Variants in UBE3D observed in about 807,000 individuals in gnomAD.
UBE3D encodes ubiquitin protein ligase E3D.
UBE3D carries 48 observed loss-of-function variants against 49.6 expected under a neutral mutation model. That is an observed-to-expected ratio of 0.97 (90% CI 0.77 to 1.23). The LOEUF is 1.23. UBE3D is among the 50% of genes most tolerant of loss of function. The pLI is 0.00. For missense variants in UBE3D, 452 were observed against 468.4 expected (o/e 0.96, Z 0.32); for synonymous variants, 189 against 174.2 (o/e 1.08, Z -0.67).
chr6:83,042,075 A>G (rs777977925), intron 4 of UBE3D, among the ~76,000 whole-genome samples: 2 of 152,030 alleles, frequency 1.3e-5, no homozygotes, highest in Non-Finnish European at 2.9e-5. Flanking sequence ...ACACCCGGCT[A>G]ATTTTTTGTA....
chr6:82,942,083 G>A (rs935793394), intron 9 of UBE3D, among the ~76,000 whole-genome samples: 12 of 152,172 alleles, frequency 7.9e-5, no homozygotes, highest in Non-Finnish European at 1.6e-4. Flanking sequence ...AGAAAGTTTG[G>A]AACTTCCTAG....
chr6:83,054,158 T>C lies in UBE3D; in HGVS notation c.355A>G (p.Ile119Val). 1.2e-6 allele frequency: 2 copies of C among 1,613,730 alleles called. No individual in the cohort carries two copies. Among genetic ancestry groups the C allele is most frequent in the Non-Finnish European group, 8.5e-7 (1 of 1,179,650 alleles). The change falls in exon 3 of 10, where the codon ATA (isoleucine) becomes GTA (valine). Residue 119 changes from isoleucine (I) to valine (V), a missense_variant. Transcript: ENST00000369747. Reference sequence around the variant, plus strand: ...AAATATATTCCTTACCTGTCTTTTATTATGACTTCACCGCAGGATTGGCAA... The same window carrying C: ...AAATATATTCCTTACCTGTCTTTTACTATGACTTCACCGCAGGATTGGCAA... ...FYCQSCGEVIIKDRKLLRVLP... is the reference protein window; with the variant it reads ...FYCQSCGEVIVKDRKLLRVLP...
At chr6:82,981,151 G>A (rs1778092491) in intron 8 of UBE3D, among the ~76,000 whole-genome samples, 1 of 152,058 alleles carries the variant, frequency 6.6e-6, no homozygotes. Flanking sequence ...TGAAGTTCAG[G>A]AGGTTAAATG....
intron 8 of UBE3D, among the ~76,000 whole-genome samples, chr6:82,960,849 T>C (rs1229983361): frequency 3.3e-5 from 5 of 152,116 alleles, no homozygotes; most frequent in Non-Finnish European, 4.4e-5. Flanking sequence ...CATTTGTATG[T>C]TCAATAAAAC....
At chr6:82,954,566 CAGAAAAGT>C (rs1194665386) in intron 9 of UBE3D, among the ~76,000 whole-genome samples, 1 of 152,060 alleles carries the variant, frequency 6.6e-6, no homozygotes, top group Non-Finnish European at 1.5e-5. Context: ...GTGACTCAGC[CAGAAAAGT>C]AAGAGAATTG....
chr6:83,006,014 C>G (rs1779952645), intron 8 of UBE3D, among the ~76,000 whole-genome samples: 2 of 151,946 alleles, frequency 1.3e-5, no homozygotes, highest in Non-Finnish European at 2.9e-5. Context: ...CACTTGAGGC[C>G]AGGAGTTTGA....
Position 83,044,493 on chromosome 6 carries a change from G to A in UBE3D, c.532C>T (p.Gln178Ter). Residue 178 changes from glutamine (Q) to a stop codon, truncating the protein, a stop_gained, in exon 4 of 10, where the codon CAG becomes TAG. Transcript: ENST00000369747. LOFTEE classifies it high-confidence loss of function. The part of the protein sequence containing the change: ...FLVNLRTSLW[Q>*]QRPELSPVEM... Reference sequence around the variant, plus strand: ...ACTGGGGATAGTTCAGGTCTTTGCTGCCACAAACTGGTTCTTAAATTCACC... The same window carrying A: ...ACTGGGGATAGTTCAGGTCTTTGCTACCACAAACTGGTTCTTAAATTCACC... 6.2e-7 allele frequency: 1 copy of A among 1,614,114 alleles called. No individual in the cohort carries two copies. The highest frequency in any genetic ancestry group is 8.5e-7 in the Non-Finnish European group (1 of 1,179,992).
chr6:83,005,248 C>T (rs1398171092), intron 8 of UBE3D, among the ~76,000 whole-genome samples: 1 of 151,778 alleles, frequency 6.6e-6, no homozygotes, highest in Non-Finnish European at 1.5e-5. Flanking sequence ...TATCACTAAT[C>T]AGCAGAAAAA....
chr6:82,944,974 G>T (rs1415807666), intron 9 of UBE3D, among the ~76,000 whole-genome samples: 1 of 152,214 alleles, frequency 6.6e-6, no homozygotes, highest in Non-Finnish European at 1.5e-5. Flanking sequence ...GACTGCTAAG[G>T]TTTTTAACTC....
intron 8 of UBE3D, among the ~76,000 whole-genome samples, chr6:82,971,703 C>T (rs1777363644): frequency 1.3e-5 from 2 of 152,110 alleles, no homozygotes; most frequent in Non-Finnish European, 2.9e-5. Context: ...GGATTACAGG[C>T]ATGAGCTACC....
chr6:82,917,260 G>A (rs576979651), intron 9 of UBE3D, among the ~76,000 whole-genome samples: 4 of 152,114 alleles, frequency 2.6e-5, no homozygotes, highest in African/African-American at 4.8e-5. Flanking sequence ...CAAGACTAGC[G>A]CAAATGTTAG....
intron 4 of UBE3D, among the ~76,000 whole-genome samples, chr6:83,042,707 G>A (rs1782758403): frequency 6.6e-6 from 1 of 152,138 alleles, no homozygotes; most frequent in African/African-American, 2.4e-5. Flanking sequence ...CAATTTCTAA[G>A]GACCCTTGAT....
Position 82,961,934 on chromosome 6 carries a change from C to T in UBE3D, c.1011-4484G>A, listed in dbSNP as rs140948431. On this transcript the variant is annotated intron_variant, in intron 8 of 9. Coordinates refer to ENST00000369747, the MANE Select transcript of UBE3D (RefSeq NM_198920.3). ...ACGAGATCATGCCATTGCTCTCCAGCCTGGGCAACAATAAAACAAAAAAAA... is the reference window on the plus strand; with the variant it reads ...ACGAGATCATGCCATTGCTCTCCAGTCTGGGCAACAATAAAACAAAAAAAA... Among the ~76,000 whole-genome samples the T allele has an allele frequency of 3.1e-3, 467 of 149,956 alleles. 2 individuals carry two copies. Among genetic ancestry groups the T allele is most frequent in the African/African-American group, 0.011 (451 of 40,580 alleles).
intron 8 of UBE3D, among the ~76,000 whole-genome samples, chr6:83,012,041 T>A (rs1780372970): frequency 6.6e-6 from 1 of 152,178 alleles, no homozygotes; most frequent in South Asian, 2.1e-4. Flanking sequence ...CACTGTTCTA[T>A]GCTTCAGGAT....
At chr6:82,995,984 T>C (rs1779212539) in intron 8 of UBE3D, among the ~76,000 whole-genome samples, 1 of 152,014 alleles carries the variant, frequency 6.6e-6, no homozygotes, top group Non-Finnish European at 1.5e-5. Context: ...GAGAATCACT[T>C]GAACTGGGAG....
At chr6:82,913,137 G>A (rs1582321115) in intron 9 of UBE3D, among the ~76,000 whole-genome samples, 1 of 152,142 alleles carries the variant, frequency 6.6e-6, no homozygotes, top group Non-Finnish European at 1.5e-5. Flanking sequence ...GGCCAATATG[G>A]CTCTGACTTA....
chr6:82,967,509 T>C (rs536968811), intron 8 of UBE3D, among the ~76,000 whole-genome samples: 29 of 152,300 alleles, frequency 1.9e-4, no homozygotes, highest in African/African-American at 6.5e-4. Context: ...ACCACTAATC[T>C]GTTCTTCATC....
At chr6:82,966,247 C>G (rs550590267) in intron 8 of UBE3D, among the ~76,000 whole-genome samples, 72 of 152,082 alleles carry the variant, frequency 4.7e-4, no homozygotes, top group African/African-American at 1.7e-3. Flanking sequence ...TTGTCAGGGG[C>G]TGGAAGGAGG....
At chr6:83,019,888 G>A (rs965953431) in intron 7 of UBE3D, among the ~76,000 whole-genome samples, 3 of 152,192 alleles carry the variant, frequency 2.0e-5, no homozygotes, top group Admixed American at 6.5e-5. Context: ...AAGAAGGGGT[G>A]AGTCAGGGAG....
Sources: gnomAD v4.1 joint callset for allele counts (sites outside exome capture counted in the v4.1 genomes callset) on GRCh38, gnomAD v4.1.1 for gene constraint, MANE v1.5 for transcripts, NCBI Gene and HGNC (gene_info 2026-07-23, HGNC 2026-07-21) for gene names.